The following GLI3 variants were observed in gnomAD, a reference collection of about 807,000 sequenced individuals.
GLI3 encodes GLI family zinc finger 3.
A neutral mutation model predicts 100.8 loss-of-function variants in GLI3; 20 were observed. The ratio of observed to expected loss-of-function variants is 0.20; its 90% CI spans 0.14 to 0.29. The LOEUF is 0.29. GLI3 is among the 10% of genes least tolerant of loss of function. The probability of loss-of-function intolerance (pLI) is 1.00; values close to 1 mark genes in which losing one functional copy is unlikely to be tolerated. For missense variants in GLI3, 2,040 were observed against 2,128.5 expected (o/e 0.96, Z 0.82); for synonymous variants, 938 against 860.5 (o/e 1.09, Z -1.58).
intron 6 of GLI3, among the ~76,000 whole-genome samples, chr7:42,043,611 T>C (rs538289077): frequency 6.6e-6 from 1 of 152,364 alleles, no homozygotes; most frequent in African/African-American, 2.4e-5. Flanking sequence ...AAGAGGTTTA[T>C]TTTTATGTGA....
chr7:42,185,957 T>C lies in GLI3; in HGVS notation c.124+37173A>G, dbSNP rs147948007. ...AACTCTTGGCACACACTGGGCCTAT[T>C]TGGACCAGCAGCTAAGAACTTAGCC... On this transcript the variant is annotated intron_variant, in intron 2 of 14. Transcript: ENST00000395925. 2.2e-3 allele frequency among the ~76,000 whole-genome samples: 334 copies of C among 152,322 alleles called. 6 individuals carry two copies. In the East Asian group the frequency reaches 0.032, roughly 15 times the overall value.
intron 1 of GLI3, among the ~76,000 whole-genome samples, chr7:42,261,453 A>G (rs1475270825): frequency 6.6e-6 from 1 of 151,926 alleles, no homozygotes; most frequent in African/African-American, 2.4e-5. Context: ...CCATCCATCC[A>G]TCCATCCTCA....
chr7:42,211,587 GC>G (rs1368340912), intron 2 of GLI3, among the ~76,000 whole-genome samples: 1 of 152,156 alleles, frequency 6.6e-6, no homozygotes, highest in African/African-American at 2.4e-5. Flanking sequence ...TTTCAACCAT[GC>G]CATTGTTCTA....
intron 10 of GLI3, among the ~76,000 whole-genome samples, chr7:41,979,294 A>G (rs917366107): frequency 2.0e-5 from 3 of 152,248 alleles, no homozygotes; most frequent in African/African-American, 7.2e-5. Flanking sequence ...CTCAGGGTTA[A>G]TCAGACTGCT....
Position 41,967,622 on chromosome 7 carries a change from G to A in GLI3, c.2405C>T (p.Pro802Leu). 6.2e-7 allele frequency: 1 copy of A among 1,613,694 alleles called. No homozygotes were observed. The highest frequency in any genetic ancestry group is 1.1e-5 in the South Asian group (1 of 91,070). Residue 802 changes from proline to leucine, a missense_variant, in exon 14 of 15, where the codon CCT becomes CTT. Pro to Leu is a moderately conservative substitution (Grantham distance 98). Coordinates refer to ENST00000395925, the MANE Select transcript of GLI3 (RefSeq NM_000168.6). ...RLNPILPPKA[P>L]AVSPLIGNGT... The stretch of plus-strand genomic sequence containing the variant: ...ATTTCCTATGAGAGGAGAGACCGCA[G>A]GGGCTTTAGGGGGTAGAATGGGGTT...
At chr7:42,094,787 G>A (rs370827682) in intron 3 of GLI3, among the ~76,000 whole-genome samples, 1 of 152,030 alleles carries the variant, frequency 6.6e-6, no homozygotes, top group Non-Finnish European at 1.5e-5. Context: ...GATCTAAGCA[G>A]CACTGCCAGG....
intron 10 of GLI3, among the ~76,000 whole-genome samples, chr7:42,023,236 T>C (rs1460991076): frequency 2.0e-5 from 3 of 152,130 alleles, no homozygotes; most frequent in Admixed American, 6.5e-5. Context: ...AGGATCAGAG[T>C]CATTACACTC....
At chr7:42,081,925 G>A (rs969190618) in intron 3 of GLI3, among the ~76,000 whole-genome samples, 6 of 151,944 alleles carry the variant, frequency 3.9e-5, no homozygotes, top group African/African-American at 9.7e-5. Context: ...TACTGAAGTC[G>A]TCTGTACCCT....
In GLI3 at chr7:42,152,874, G is replaced by C. The variant is rs534134234; in HGVS notation, c.125-4406C>G. 4.6e-5 allele frequency among the ~76,000 whole-genome samples: 7 copies of C among 152,260 alleles called. No individual in the cohort carries two copies. The South Asian group carries it at 1.5e-3, about 32-fold the overall frequency. ...AATGCATATTGTAAAATAAAGGAAGGGGTGAGCTTTTTTCTTTGCCAGAAT... is the reference window on the plus strand; with the variant it reads ...AATGCATATTGTAAAATAAAGGAAGCGGTGAGCTTTTTTCTTTGCCAGAAT... On this transcript the variant is annotated intron_variant, in intron 2 of 14. Coordinates refer to ENST00000395925, the MANE Select transcript of GLI3 (RefSeq NM_000168.6).
At chr7:41,978,856 C>A in intron 10 of GLI3, 108 bp from the exon 11 acceptor site, 1 of 946,678 alleles carries the variant, frequency 1.1e-6, no homozygotes, top group South Asian at 1.4e-5. Context: ...TTCTAAAGAC[C>A]ACAAGAATAA....
intron 1 of GLI3, among the ~76,000 whole-genome samples, chr7:42,253,145 T>C (rs945326752): frequency 1.3e-5 from 2 of 152,308 alleles, no homozygotes; most frequent in African/African-American, 4.8e-5. Flanking sequence ...GGACATGTCA[T>C]CCACAACCAG....
chr7:42,138,379 C>T (rs993676832), intron 3 of GLI3, among the ~76,000 whole-genome samples: 2 of 152,142 alleles, frequency 1.3e-5, no homozygotes, highest in Non-Finnish European at 2.9e-5. Flanking sequence ...ATAGAGGCTA[C>T]ATAAAAATGC....
chr7:42,143,469 A>ATT (rs926374561), intron 3 of GLI3, among the ~76,000 whole-genome samples: 1 of 152,214 alleles, frequency 6.6e-6, no homozygotes, highest in African/African-American at 2.4e-5. Context: ...AAGTGTACCT[A>ATT]TTAAATATGT....
At chr7:42,239,992 A>C (rs1441584921), upstream of GLI3, among the ~76,000 whole-genome samples, 1 of 152,176 alleles carries the variant, frequency 6.6e-6, no homozygotes, top group Non-Finnish European at 1.5e-5. Flanking sequence ...ATTATGGTTG[A>C]AATTGGAGTG....
intron 13 of GLI3, among the ~76,000 whole-genome samples, chr7:41,969,316 T>C (rs1394712925): frequency 6.6e-6 from 1 of 152,120 alleles, no homozygotes; most frequent in East Asian, 1.9e-4. Flanking sequence ...GGGAGAGTGC[T>C]TTAGGGAAAG....
Position 42,058,019 on chromosome 7 carries a change from C to T in GLI3, c.474-9323G>A, listed in dbSNP as rs371500741. Among the ~76,000 whole-genome samples the T allele has an allele frequency of 1.2e-4, 18 of 152,134 alleles. No individual in the cohort carries two copies. The South Asian group carries it at 3.7e-3, about 32-fold the overall frequency. On this transcript the variant is annotated intron_variant, in intron 4 of 14. Coordinates refer to ENST00000395925, the MANE Select transcript of GLI3 (RefSeq NM_000168.6). ...ACTTCATCCATGTAACCAAAAACCACTTGTACCCCAAAAGCTATTGAAATA... is the reference window on the plus strand; with the variant it reads ...ACTTCATCCATGTAACCAAAAACCATTTGTACCCCAAAAGCTATTGAAATA...
chr7:41,963,052 G>C lies in GLI3; in HGVS notation c.*1278C>G, dbSNP rs1787050022. The C allele has an allele frequency of 6.6e-6, 1 of 152,240 alleles. No individual in the cohort carries two copies. Among genetic ancestry groups the C allele is most frequent in the Admixed American group, 6.5e-5 (1 of 15,278 alleles). 9.4% of individuals were successfully genotyped at this position (152,240 alleles called of 1,614,324 possible). A position where few individuals can be genotyped will look rare whatever the true frequency, so the allele number is the denominator to read the frequency against. ...AGTCCACATTAAGGACTAACTGCAT[G>C]TAACATTTAACTTCGTGAATGGATG... On this transcript the variant is annotated 3_prime_UTR_variant, in exon 15 of 15. Coordinates refer to ENST00000395925, the MANE Select transcript of GLI3 (RefSeq NM_000168.6).
In GLI3 at chr7:41,967,381, C is replaced by A. The variant is rs1163974767; in HGVS notation, c.2431+215G>T. ...TCACCATCAGAATATGAGTCATGCA[C>A]AGTCACATTTTTTTCTCAATATTAT... On this transcript the variant is annotated intron_variant, in intron 14 of 14. Coordinates refer to ENST00000395925, the MANE Select transcript of GLI3 (RefSeq NM_000168.6). 2.1e-5 allele frequency among the ~76,000 whole-genome samples: 3 copies of A among 142,320 alleles called. No homozygotes were observed. The East Asian group carries it at 5.8e-4, about 28-fold the overall frequency. The allele number at this position is 142,320 out of a possible 152,430, so 93.4% of individuals were successfully genotyped here.
intron 10 of GLI3, among the ~76,000 whole-genome samples, chr7:41,991,664 T>G (rs572455994): frequency 1.3e-5 from 2 of 152,188 alleles, no homozygotes; most frequent in Admixed American, 6.5e-5. Flanking sequence ...ATATGAGACA[T>G]AGGCATTGTG....
Sources: allele counts gnomAD v4.1 joint callset (sites outside exome capture counted in the v4.1 genomes callset), GRCh38; gene constraint gnomAD v4.1.1; transcripts MANE v1.5; gene names NCBI Gene and HGNC (gene_info 2026-07-23, HGNC 2026-07-21).